PDE4D: variants seen among roughly 807,000 people sequenced by gnomAD.
PDE4D encodes phosphodiesterase 4D.
Under a neutral mutation model 87.4 loss-of-function variants are expected in PDE4D, and 24 were observed. The ratio of observed to expected loss-of-function variants is 0.27; its 90% CI spans 0.20 to 0.39. PDE4D has a LOEUF of 0.39. Among genes scored for constraint, PDE4D ranks in the 10% least tolerant of loss-of-function variants. The pLI is 1.00. For missense variants in PDE4D, 714 were observed against 1,041.0 expected, an observed-to-expected ratio of 0.69 and a Z score of 4.32; for synonymous variants, 384 against 383.2, an observed-to-expected ratio of 1.00 and a Z score of -0.02.
At chr5:58,996,499 T>G (rs1749264200) in intron 6 of PDE4D, among the ~76,000 whole-genome samples, 1 of 152,150 alleles carries the variant, frequency 6.6e-6, no homozygotes, top group African/African-American at 2.4e-5. Context: ...AGATAGGAGA[T>G]GAGGCAAAGC....
intron 1 of PDE4D, among the ~76,000 whole-genome samples, chr5:59,700,140 C>T (rs535207258): frequency 6.6e-6 from 1 of 152,222 alleles, no homozygotes; most frequent in African/African-American, 2.4e-5. Flanking sequence ...ATCTAGAAAA[C>T]CAATAAAAGG....
intron 1 of PDE4D, among the ~76,000 whole-genome samples, chr5:59,378,908 C>T (rs1785225101): frequency 6.6e-6 from 1 of 151,998 alleles, no homozygotes; most frequent in Admixed American, 6.6e-5. Flanking sequence ...TAGGGAAAGG[C>T]AAGGGCAGAA....
chr5:60,301,858 G>T (rs918474574), intron 1 of PDE4D, among the ~76,000 whole-genome samples: 4 of 152,082 alleles, frequency 2.6e-5, no homozygotes, highest in Non-Finnish European at 4.4e-5. Context: ...TCAATATCTA[G>T]TTTATTGAGA....
intron 5 of PDE4D, among the ~76,000 whole-genome samples, chr5:59,101,507 A>C (rs1210397198): frequency 6.6e-6 from 1 of 152,090 alleles, no homozygotes; most frequent in Non-Finnish European, 1.5e-5. Flanking sequence ...AAATACAAAA[A>C]CCCCTAGCAG....
intron 1 of PDE4D, among the ~76,000 whole-genome samples, chr5:60,399,287 C>T (rs1319958583): frequency 6.6e-6 from 1 of 152,076 alleles, no homozygotes; most frequent in Non-Finnish European, 1.5e-5. Context: ...TTTTCTTCTC[C>T]TACTTGAAAT....
chr5:59,759,064 A>G (rs1280932399), intron 1 of PDE4D, among the ~76,000 whole-genome samples: 1 of 152,180 alleles, frequency 6.6e-6, no homozygotes, highest in Non-Finnish European at 1.5e-5. Flanking sequence ...AAACCATTAA[A>G]AAAAAGACAT....
intron 1 of PDE4D, among the ~76,000 whole-genome samples, chr5:59,609,322 G>A (rs534901047): frequency 6.7e-6 from 1 of 149,000 alleles, no homozygotes; most frequent in Non-Finnish European, 1.5e-5. Context: ...CCTTACTTTG[G>A]CAAATAAAAT....
intron 1 of PDE4D, among the ~76,000 whole-genome samples, chr5:59,740,129 A>T (rs1458664658): frequency 2.0e-5 from 3 of 152,204 alleles, no homozygotes. Flanking sequence ...GGTGTCCTGA[A>T]ACTGAATAAT....
chr5:59,398,366 A>C (rs1376246871), intron 1 of PDE4D, among the ~76,000 whole-genome samples: 1 of 139,214 alleles, frequency 7.2e-6, no homozygotes, highest in Admixed American at 7.2e-5. Flanking sequence ...GCAGCACATC[A>C]AAAAGCTTAT....
intron 1 of PDE4D, among the ~76,000 whole-genome samples, chr5:59,437,545 C>T (rs1317350883): frequency 1.3e-5 from 2 of 152,012 alleles, no homozygotes; most frequent in African/African-American, 4.8e-5. Flanking sequence ...GCTAGTTCAG[C>T]AAAGAGGAGG....
At chr5:59,863,821 G>A (rs1746630102) in intron 1 of PDE4D, among the ~76,000 whole-genome samples, 1 of 152,030 alleles carries the variant, frequency 6.6e-6, no homozygotes, top group Non-Finnish European at 1.5e-5. Flanking sequence ...GCACTGTGAC[G>A]AGGGGAGCCC....
At chr5:60,389,623 G>A (rs949808846) in intron 1 of PDE4D, among the ~76,000 whole-genome samples, 11 of 152,072 alleles carry the variant, frequency 7.2e-5, no homozygotes, top group Admixed American at 2.0e-4. Flanking sequence ...ATGTAATGTC[G>A]GCTGGAATTG....
intron 1 of PDE4D, among the ~76,000 whole-genome samples, chr5:59,403,092 C>A: frequency 6.7e-6 from 1 of 148,466 alleles, no homozygotes; most frequent in East Asian, 1.9e-4. Context: ...GTCTCCAAAA[C>A]ATAATTTTTT....
chr5:60,307,832 A>G (rs1353671961), intron 1 of PDE4D, among the ~76,000 whole-genome samples: 2 of 152,080 alleles, frequency 1.3e-5, no homozygotes, highest in African/African-American at 2.4e-5. Flanking sequence ...GTGACAGCCT[A>G]TAGTTTGCAA....
chr5:60,248,844 C>T (rs937007922), intron 1 of PDE4D, among the ~76,000 whole-genome samples: 4 of 151,948 alleles, frequency 2.6e-5, no homozygotes, highest in African/African-American at 9.7e-5. Flanking sequence ...TATACATTTG[C>T]ACTTCCCATA....
intron 1 of PDE4D, among the ~76,000 whole-genome samples, chr5:59,496,118 A>G (rs1807136032): frequency 6.6e-6 from 1 of 151,900 alleles, no homozygotes; most frequent in African/African-American, 2.4e-5. Context: ...CAGAAGGGAG[A>G]TGGTTTCCCC....
Position 59,039,151 on chromosome 5 carries a change from C to T in PDE4D, c.809-180G>A, listed in dbSNP as rs1471943559. ...GCAACGGGGGCGGAGGCTGTGCTCG[C>T]GGGGCGGCCGGCCTCGGGGAGGCAC... On this transcript the variant is annotated intron_variant, in intron 5 of 14. Coordinates refer to ENST00000340635, the MANE Select transcript of PDE4D (RefSeq NM_001104631.2). 3.0e-6 allele frequency: 4 copies of T among 1,353,338 alleles called. No individual in the cohort carries two copies. In the African/African-American group the frequency reaches 4.6e-5, roughly 15 times the overall value. The allele number at this position is 1,353,338 out of a possible 1,614,324, so 83.8% of individuals were successfully genotyped here.
intron 1 of PDE4D, among the ~76,000 whole-genome samples, chr5:59,334,103 CATT>C (rs1403386529): frequency 6.6e-6 from 1 of 151,808 alleles, no homozygotes; most frequent in Non-Finnish European, 1.5e-5. Flanking sequence ...GGCATACAAT[CATT>C]ATATCTCTGA....
intron 1 of PDE4D, among the ~76,000 whole-genome samples, chr5:60,332,431 G>T (rs1757386354): frequency 6.6e-6 from 1 of 152,152 alleles, no homozygotes; most frequent in Admixed American, 6.6e-5. Context: ...TAAGTGAAAA[G>T]ATGGGACATT....
Sources: allele counts gnomAD v4.1 joint callset (sites outside exome capture counted in the v4.1 genomes callset), GRCh38; gene constraint gnomAD v4.1.1; transcripts MANE v1.5; gene names NCBI Gene and HGNC (gene_info 2026-07-23, HGNC 2026-07-21).